The following FAM168A variants were observed in gnomAD, a reference collection of about 807,000 sequenced individuals.
The protein encoded by FAM168A is family with sequence similarity 168 member A, also known as protein FAM168A.
FAM168A carries 3 observed loss-of-function variants against 28.5 expected under a neutral mutation model. The observed-to-expected ratio is 0.11, with a 90% confidence interval of 0.05 to 0.27. FAM168A has a LOEUF of 0.27. Ranked by LOEUF, FAM168A falls within the 10% of genes least tolerant of loss-of-function variation. The pLI, the probability that FAM168A is intolerant of heterozygous loss-of-function variation, is 1.00. For synonymous variants in FAM168A, 122 were observed against 124.2 expected (o/e 0.98, Z 0.12); for missense variants, 222 against 311.5 (o/e 0.71, Z 2.16).
At chr11:73,522,096 T>C (rs1943388234) in intron 1 of FAM168A, among the ~76,000 whole-genome samples, 1 of 152,010 alleles carries the variant, frequency 6.6e-6, no homozygotes, top group Non-Finnish European at 1.5e-5. Context: ...ACTCTGGCTG[T>C]GACTTCCCTC....
chr11:73,544,471 C>T (rs962966275), intron 1 of FAM168A, among the ~76,000 whole-genome samples: 3 of 151,678 alleles, frequency 2.0e-5, no homozygotes, highest in Admixed American at 6.6e-5. Flanking sequence ...CACATAAAAA[C>T]TTATATGCTA....
intron 5 of FAM168A, 29 bp from the exon 6 acceptor site, chr11:73,409,690 G>A (rs1866573977): frequency 1.3e-6 from 2 of 1,578,050 alleles, no homozygotes; most frequent in African/African-American, 2.7e-5. Context: ...GGTCACATAG[G>A]CATTTGGAGA....
rs936542152 is a variant in FAM168A at position 73,405,462 on chromosome 11, A to G, written c.*1301T>C. The G allele has an allele frequency of 2.6e-5, 4 of 152,182 alleles. No homozygotes were observed. Among genetic ancestry groups the G allele is most frequent in the African/African-American group, 7.2e-5 (3 of 41,438 alleles). 9.4% of individuals were successfully genotyped at this position (152,182 alleles called of 1,614,324 possible). ...GTAAATTTTTGTAAGCAAGGTGCCC[A>G]CTAGGTAGGAAGGCTGCATTTAATG... On this transcript the variant is annotated 3_prime_UTR_variant, in exon 8 of 8. Coordinates refer to ENST00000356467, the MANE Select transcript of FAM168A (RefSeq NM_015159.3).
intron 3 of FAM168A, among the ~76,000 whole-genome samples, chr11:73,426,665 G>A (rs1866889467): frequency 6.6e-6 from 1 of 151,894 alleles, no homozygotes; most frequent in Admixed American, 6.6e-5. Flanking sequence ...TGCTGTGTGT[G>A]TGTGTATGTG....
chr11:73,555,570 T>TGGTCATGGGCGC (rs1187239279), intron 1 of FAM168A, among the ~76,000 whole-genome samples: 1 of 151,336 alleles, frequency 6.6e-6, no homozygotes, highest in Admixed American at 6.6e-5. Context: ...TAACTGGGCG[T>TGGTCATGGGCGC]GGTCATGGGC....
At chr11:73,525,039 C>A (rs1253790402) in intron 1 of FAM168A, among the ~76,000 whole-genome samples, 1 of 147,448 alleles carries the variant, frequency 6.8e-6, no homozygotes, top group Non-Finnish European at 1.5e-5. Flanking sequence ...TTTTTTTGCT[C>A]CTACATTGTT....
At chr11:73,454,062 G>A (rs1046784440) in intron 2 of FAM168A, among the ~76,000 whole-genome samples, 1 of 152,206 alleles carries the variant, frequency 6.6e-6, no homozygotes, top group Non-Finnish European at 1.5e-5. Context: ...AGAAGCTCCA[G>A]AGAAAGAAGC....
chr11:73,574,836 T>G (rs1219098489), intron 1 of FAM168A, among the ~76,000 whole-genome samples: 1 of 151,570 alleles, frequency 6.6e-6, no homozygotes, highest in Non-Finnish European at 1.5e-5. Flanking sequence ...AGTGCTGGGA[T>G]TACAGGTGTG....
At chr11:73,515,620 G>C (rs1021886278) in intron 1 of FAM168A, among the ~76,000 whole-genome samples, 1 of 151,420 alleles carries the variant, frequency 6.6e-6, no homozygotes, top group Non-Finnish European at 1.5e-5. Flanking sequence ...AAATTTCTAG[G>C]GGAGATATAA....
intron 1 of FAM168A, among the ~76,000 whole-genome samples, chr11:73,591,682 T>C (rs1044664442): frequency 6.6e-5 from 10 of 152,152 alleles, no homozygotes; most frequent in Admixed American, 1.3e-4. Context: ...GATAATATTT[T>C]TGTTTTTTGT....
At chr11:73,467,521 CAA>C (rs1259374119) in intron 2 of FAM168A, among the ~76,000 whole-genome samples, 1 of 152,022 alleles carries the variant, frequency 6.6e-6, no homozygotes, top group Non-Finnish European at 1.5e-5. Context: ...GAAAATTTGA[CAA>C]AGTCAATTCC....
At chr11:73,463,515 G>A (rs1349061330) in intron 2 of FAM168A, among the ~76,000 whole-genome samples, 4 of 152,162 alleles carry the variant, frequency 2.6e-5, no homozygotes, top group Non-Finnish European at 4.4e-5. Flanking sequence ...TTCAGGAGAC[G>A]GCTGGATAAA....
chr11:73,427,326 A>C (rs1244306453), intron 3 of FAM168A, among the ~76,000 whole-genome samples: 1 of 152,092 alleles, frequency 6.6e-6, no homozygotes, highest in Non-Finnish European at 1.5e-5. Context: ...AAAATTGGGG[A>C]AAATCAAGTT....
intron 1 of FAM168A, among the ~76,000 whole-genome samples, chr11:73,550,276 G>A (rs1398767913): frequency 1.3e-5 from 2 of 152,120 alleles, no homozygotes; most frequent in African/African-American, 4.8e-5. Context: ...CACAAAGGAG[G>A]GTCAGAACCC....
chr11:73,460,070 C>T (rs957914064), intron 2 of FAM168A, among the ~76,000 whole-genome samples: 3 of 151,814 alleles, frequency 2.0e-5, no homozygotes, highest in Admixed American at 6.6e-5. Context: ...TTAGTAGAGA[C>T]GGGGTTTCAC....
At chr11:73,474,143 T>G (rs1161558169) in intron 1 of FAM168A, among the ~76,000 whole-genome samples, 2 of 152,062 alleles carry the variant, frequency 1.3e-5, no homozygotes, top group Non-Finnish European at 2.9e-5. Flanking sequence ...TTAGTCTGTT[T>G]TGTGATGCTA....
chr11:73,502,351 A>G (rs1354907720), intron 1 of FAM168A, among the ~76,000 whole-genome samples: 1 of 152,190 alleles, frequency 6.6e-6, no homozygotes, highest in Non-Finnish European at 1.5e-5. Context: ...CTACCATCAG[A>G]GAGTACTATA....
intron 7 of FAM168A, among the ~76,000 whole-genome samples, 156 bp downstream of exon 7, chr11:73,407,357 G>A (rs1222482541): frequency 6.6e-6 from 1 of 152,184 alleles, no homozygotes; most frequent in African/African-American, 2.4e-5. Flanking sequence ...CTATTATTAA[G>A]AGTGATATTA....
At chr11:73,587,368 T>G (rs1944328061) in intron 1 of FAM168A, among the ~76,000 whole-genome samples, 1 of 151,896 alleles carries the variant, frequency 6.6e-6, no homozygotes, top group Admixed American at 6.6e-5. Flanking sequence ...TTCGGGCACC[T>G]GTAATGGCAG....
Sources: gnomAD v4.1 joint callset for allele counts (sites outside exome capture counted in the v4.1 genomes callset) on GRCh38, gnomAD v4.1.1 for gene constraint, MANE v1.5 for transcripts, NCBI Gene and HGNC (gene_info 2026-07-23, HGNC 2026-07-21) for gene names.